The following JADE2 variants were observed in gnomAD, a reference collection of about 807,000 sequenced individuals.
The protein encoded by JADE2 is jade family PHD finger 2.
Under a neutral mutation model 85.7 loss-of-function variants are expected in JADE2, and 13 were observed. The observed-to-expected ratio is 0.15, with a 90% CI of 0.10 to 0.24. The LOEUF (loss-of-function observed/expected upper bound fraction) is 0.24. JADE2 is among the 10% of genes least tolerant of loss of function. JADE2 has a pLI of 1.00. For synonymous variants in JADE2, 440 were observed against 456.1 expected (o/e 0.96, Z 0.45); for missense variants, 846 against 1,115.9 (o/e 0.76, Z 3.45).
intron 1 of JADE2, among the ~76,000 whole-genome samples, chr5:134,533,940 C>G (rs947302183): frequency 6.6e-6 from 1 of 151,898 alleles, no homozygotes; most frequent in African/African-American, 2.4e-5. Flanking sequence ...AGAGATGAGT[C>G]CCCCTACGTT....
At chr5:134,575,035 G>A (rs1439153334) in intron 10 of JADE2, 1 of 152,314 alleles carries the variant, frequency 6.6e-6, no homozygotes, top group Non-Finnish European at 1.5e-5. Context: ...GAAGCAGAGG[G>A]TGGCAAGCCA....
At position 134,568,806 on chromosome 5, in the gene JADE2, G is replaced by A. The variant is rs116565788; in HGVS notation, c.1434+2226G>A. On this transcript the variant is annotated intron_variant, in intron 9 of 11. Transcript: ENST00000681547. ...TTTGCAACTTGGGTGAATGAACAGC[G>A]ACAAGAACCCTGCCACGGGGCAGGC... Among the ~76,000 whole-genome samples the A allele has an allele frequency of 4.7e-3, 711 of 152,360 alleles. 9 individuals carry two copies. Among genetic ancestry groups the A allele is most frequent in the African/African-American group, 0.017 (690 of 41,588 alleles).
intron 11 of JADE2, 39 bp downstream of exon 11, chr5:134,576,935 T>G (rs1259427212): frequency 6.7e-6 from 10 of 1,502,232 alleles, no homozygotes; most frequent in African/African-American, 1.4e-5. Flanking sequence ...CACGGCAGGC[T>G]TGACCATCAC....
intron 1 of JADE2, chr5:134,533,400 C>T: frequency 3.3e-6 from 1 of 303,438 alleles, no homozygotes. Context: ...ATGTAAAAAG[C>T]CAGTTCCAGT....
intron 10 of JADE2, 160 bp downstream of exon 10, chr5:134,573,922 C>A: frequency 1.4e-6 from 1 of 710,650 alleles, no homozygotes; most frequent in East Asian, 2.6e-5. Flanking sequence ...TTAGTAGGCC[C>A]AGACGGGGGC....
At chr5:134,575,724 C>CA (rs11363841) in intron 10 of JADE2, 110,760 of 142,006 alleles carry the variant, frequency 0.78, 43,061 homozygotes, top group Admixed American at 0.85. Flanking sequence ...CCTGTCTCTA[C>CA]AAAAAAAAAA....
Position 134,560,896 on chromosome 5 carries a change from C to T in JADE2, c.623C>T (p.Pro208Leu). Reference sequence around the variant, plus strand: ...GTTGTCTGCGACGTGTGTCGCTCTCCTGAGGGCGAGGATGGCAACGAGATG... The same window carrying T: ...GTTGTCTGCGACGTGTGTCGCTCTCTTGAGGGCGAGGATGGCAACGAGATG... The part of the protein sequence containing the change: ...EDVVCDVCRS[P>L]EGEDGNEMVF... Residue 208 changes from proline to leucine, a missense_variant, in exon 6 of 12, where the codon CCT becomes CTT. Pro to Leu is a moderately conservative substitution (Grantham distance 98, BLOSUM62 -3). Around this residue, in one of 9 missense-constraint regions of JADE2, gnomAD observed 129 missense variants for 255.4 expected, o/e 0.51. Transcript: ENST00000681547. 1 of 1,614,192 alleles carries T rather than the reference C, an allele frequency of 6.2e-7. No individual in the cohort carries two copies.
In JADE2 at chr5:134,579,065, G is replaced by C. The variant is rs1764564828; in HGVS notation, c.2253G>C (p.Arg751=). ...GPAASPKPLG[R]LRPPRESKVT... is the part of the protein sequence containing the mutation. ...CAGCAAGCCCTAAGCCTTTGGGCCG[G>C]CTCCGGCCACCCCGCGAGAGCAAGG... The change falls in exon 12 of 12, where the codon CGG becomes CGC. Residue 751 remains arginine (R), a synonymous_variant. Coordinates refer to ENST00000681547, the MANE Select transcript of JADE2 (RefSeq NM_001388185.1). This position sits in a 1 kb window ranked among gnomAD's most constrained non-coding sequence, Gnocchi z 4.6. 1 of 1,614,032 alleles carries C rather than the reference G, an allele frequency of 6.2e-7. No individual in the cohort carries two copies. The highest frequency in any genetic ancestry group is 8.5e-7 in the Non-Finnish European group (1 of 1,179,978).
Position 134,579,072 on chromosome 5 carries a change from C to T in JADE2, c.2260C>T (p.Pro754Ser). The T allele has an allele frequency of 5.6e-6, 9 of 1,614,022 alleles. No individual in the cohort carries two copies. The highest frequency in any genetic ancestry group is 7.6e-6 in the Non-Finnish European group (9 of 1,179,964). Reference sequence around the variant, plus strand: ...CCCTAAGCCTTTGGGCCGGCTCCGGCCACCCCGCGAGAGCAAGGTAACCCG... The same window carrying T: ...CCCTAAGCCTTTGGGCCGGCTCCGGTCACCCCGCGAGAGCAAGGTAACCCG... The part of the protein sequence containing the change: ...ASPKPLGRLR[P>S]PRESKVTRRL... Residue 754 changes from proline to serine, a missense_variant, in exon 12 of 12, where the codon CCA (proline) becomes TCA (serine). Physicochemically the swap from Pro to Ser is moderately conservative, Grantham distance 74. This residue lies in a region of JADE2 where 300 missense variants were observed against 300.7 expected (regional missense o/e 1.00). Transcript: ENST00000681547. This position sits in a 1 kb window ranked among gnomAD's most constrained non-coding sequence, Gnocchi z 4.6.
In JADE2 at chr5:134,562,733, C is replaced by T. The variant is rs1763402376; in HGVS notation, c.852+366C>T. On this transcript the variant is annotated intron_variant, in intron 7 of 11. Coordinates refer to ENST00000681547, the MANE Select transcript of JADE2 (RefSeq NM_001388185.1). The surrounding 1 kb of genome is among the most constrained non-coding windows in gnomAD (Gnocchi z 4.6). ...GAACCGAGATCGCACCACTGCACTC[C>T]AGCCTGGGTGACAGAGCAAGACTCC... Among the ~76,000 whole-genome samples the T allele has an allele frequency of 6.6e-6, 1 of 152,162 alleles. No homozygotes were observed. Among genetic ancestry groups the T allele is most frequent in the African/African-American group, 2.4e-5 (1 of 41,426 alleles).
chr5:134,547,590 C>G (rs1200577890), intron 3 of JADE2, among the ~76,000 whole-genome samples: 1 of 152,184 alleles, frequency 6.6e-6, no homozygotes, highest in Non-Finnish European at 1.5e-5. Context: ...AAGCCTTTTC[C>G]AAGCCTGCCT....
At chr5:134,550,120 A>T (rs1762515230) in intron 3 of JADE2, among the ~76,000 whole-genome samples, 1 of 152,270 alleles carries the variant, frequency 6.6e-6, no homozygotes. Context: ...AATCTTAGCC[A>T]CATTCCATCT....
At chr5:134,530,379 T>C (rs1032713410) in intron 1 of JADE2, among the ~76,000 whole-genome samples, 13 of 152,244 alleles carry the variant, frequency 8.5e-5, no homozygotes, top group Non-Finnish European at 1.9e-4. Flanking sequence ...TTGAAAGCCC[T>C]TTTTTCCCCT....
At chr5:134,577,124 G>T in intron 11 of JADE2, 1 of 515,778 alleles carries the variant, frequency 1.9e-6, no homozygotes. Context: ...AGACCTGGAT[G>T]GAGGCTGGGC....
intron 5 of JADE2, 84 bp downstream of exon 5, chr5:134,560,074 C>A: frequency 6.7e-7 from 1 of 1,493,408 alleles, no homozygotes; most frequent in Non-Finnish European, 9.3e-7. Context: ...GTGGCCCAGG[C>A]AGGGCTATGG....
rs1240274885 is a variant in JADE2 at position 134,576,966 on chromosome 5, C to T, written c.1681+70C>T. The T allele has an allele frequency of 3.4e-6, 5 of 1,473,542 alleles. No individual in the cohort carries two copies. The African/African-American group carries it at 5.7e-5, about 17-fold the overall frequency. The allele number at this position is 1,473,542 out of a possible 1,614,324, so 91.3% of individuals were successfully genotyped here. On this transcript the variant is annotated intron_variant, in intron 11 of 11. Coordinates refer to ENST00000681547, the MANE Select transcript of JADE2 (RefSeq NM_001388185.1). ...ATCACCACGCTTGCAGCTCTGTCTG[C>T]CCTGCGGAAGGCCAGCTGCACAGAG...
At chr5:134,546,508 C>A (rs1762299074) in intron 3 of JADE2, among the ~76,000 whole-genome samples, 2 of 152,192 alleles carry the variant, frequency 1.3e-5, no homozygotes, top group Admixed American at 1.3e-4. Flanking sequence ...TGGCTCACAC[C>A]TGTAATCCCA....
At chr5:134,573,406 G>C (rs1764159945) in intron 9 of JADE2, among the ~76,000 whole-genome samples, 1 of 152,200 alleles carries the variant, frequency 6.6e-6, no homozygotes, top group Admixed American at 6.5e-5. Context: ...CTCTGGCTCA[G>C]CCGGGGACCA....
Position 134,562,138 on chromosome 5 carries a change from A to G in JADE2, c.685-62A>G. On this transcript the variant is annotated intron_variant, in intron 6 of 11. Coordinates refer to ENST00000681547, the MANE Select transcript of JADE2 (RefSeq NM_001388185.1). The surrounding 1 kb of genome is among the most constrained non-coding windows in gnomAD (Gnocchi z 4.6). ...GCTGGCACTGGACCAAATGCAGCTG[A>G]CTGCTGACCAGACACAGATTGGCCA... 6.6e-7 allele frequency: 1 copy of G among 1,509,810 alleles called. No individual in the cohort carries two copies. The highest frequency in any genetic ancestry group is 9.0e-7 in the Non-Finnish European group (1 of 1,115,700). The allele number at this position is 1,509,810 out of a possible 1,614,324, so 93.5% of individuals were successfully genotyped here. A position where few individuals can be genotyped will look rare whatever the true frequency, so the allele number is the denominator to read the frequency against.
Sources: gnomAD v4.1 joint callset for allele counts (sites outside exome capture counted in the v4.1 genomes callset) on GRCh38, gnomAD v4.1.1 for gene constraint, gnomAD v4.1.1 regional missense constraint, Gnocchi (gnomAD v3.1) non-coding constraint, MANE v1.5 for transcripts, NCBI Gene and HGNC (gene_info 2026-07-23, HGNC 2026-07-21) for gene names.